The following VCPKMT variants were observed in gnomAD, a reference collection of about 807,000 sequenced individuals.
The protein encoded by VCPKMT is valosin containing protein lysine methyltransferase, also known as protein N-lysine methyltransferase METTL21D.
A neutral mutation model predicts 28.6 loss-of-function variants in VCPKMT; 32 were observed. That is an observed-to-expected ratio of 1.12 (90% CI 0.84 to 1.50). The LOEUF is 1.50. Ranked by LOEUF, VCPKMT falls within the 40% of genes most tolerant of loss-of-function variation. The pLI is 0.00. For missense variants in VCPKMT, 366 were observed against 285.0 expected (o/e 1.28, Z -2.05); for synonymous variants, 138 against 111.4 (o/e 1.24, Z -1.50).
chr14:50,115,736 T>C (rs1883115484), intron 3 of VCPKMT, 103 bp downstream of exon 3: 2 of 1,359,756 alleles, frequency 1.5e-6, no homozygotes, highest in Non-Finnish European at 2.0e-6. Context: ...ATAAGGCAAA[T>C]CCCGGATTCA....
At position 50,108,781 on chromosome 14, in the gene VCPKMT, TCATAA is replaced by T. The variant is rs1222394005; in HGVS notation, c.*913_*917del. On this transcript the variant is annotated 3_prime_UTR_variant, in exon 6 of 6. Transcript: ENST00000395860. The stretch of plus-strand genomic sequence containing the variant: ...GATTATTGTATATGAGCGAATGGCT[TCATAA>T]CATAAAACAGAGAGACACAGAACAG... 4 of 985,554 alleles carry T rather than the reference TCATAA, an allele frequency of 4.1e-6. No individual in the cohort carries two copies. Among genetic ancestry groups the T allele is most frequent in the Middle Eastern group, 1.0e-3 (2 of 1,936 alleles). The allele number at this position is 985,554 out of a possible 1,614,324, so 61.1% of individuals were successfully genotyped here.
chr14:50,105,926 T>C (rs189141189), downstream of VCPKMT, among the ~76,000 whole-genome samples: 41 of 152,306 alleles, frequency 2.7e-4, 1 homozygote, highest in Admixed American at 2.4e-3. Flanking sequence ...CAAAGTTCAG[T>C]CCTGTTTATT....
intron 5 of VCPKMT, chr14:50,111,627 C>A (rs1203671227): frequency 2.0e-6 from 2 of 985,168 alleles, no homozygotes; most frequent in African/African-American, 3.5e-5. Context: ...CCTGTAATCC[C>A]AACAATTTGG....
At position 50,112,703 on chromosome 14, in the gene VCPKMT, A is replaced by C. The variant is rs895810913; in HGVS notation, c.587T>G (p.Phe196Cys). 3.8e-6 allele frequency: 6 copies of C among 1,570,108 alleles called. No homozygotes were observed. The Admixed American group carries it at 5.5e-5, about 14-fold the overall frequency. ...KKYFELLQLD[F>C]DFEKIPLEKH... The stretch of plus-strand genomic sequence containing the variant: ...TTCCAAAGGAATTTTTTCAAAGTCA[A>C]AATCTAGCTGAAGGAGCTATAAATT... The change falls in exon 5 of 6, where the codon TTT becomes TGT. Residue 196 changes from phenylalanine (F) to cysteine (C), a missense_variant. Transcript: ENST00000395860.
chr14:50,112,363 C>T (rs538391195), intron 5 of VCPKMT, among the ~76,000 whole-genome samples: 23 of 118,580 alleles, frequency 1.9e-4, no homozygotes, highest in African/African-American at 5.6e-4. Context: ...CTAGGCAACA[C>T]GGTGAAACGT....
In VCPKMT at chr14:50,109,268, G is replaced by A; in HGVS notation, c.*431C>T. On this transcript the variant is annotated 3_prime_UTR_variant, in exon 6 of 6. Transcript: ENST00000395860. ...ACAAAATGAAAACCTTTTAAACTCTGAAGACAAACTAAAATTTACTAGTTT... is the reference window on the plus strand; with the variant it reads ...ACAAAATGAAAACCTTTTAAACTCTAAAGACAAACTAAAATTTACTAGTTT... 1 of 973,328 alleles carries A rather than the reference G, an allele frequency of 1.0e-6. No individual in the cohort carries two copies. The highest frequency in any genetic ancestry group is 1.2e-6 in the Non-Finnish European group (1 of 818,174). 60.3% of individuals were successfully genotyped at this position (973,328 alleles called of 1,614,324 possible).
Position 50,116,536 on chromosome 14 carries a change from T to C in VCPKMT, c.17A>G (p.Glu6Gly), listed in dbSNP as rs1204163901. Residue 6 changes from glutamate (E) to glycine (G), a missense_variant, in exon 1 of 6, where the codon GAG becomes GGG. Glu to Gly is a moderately conservative substitution (Grantham distance 98). Transcript: ENST00000395860. The part of the protein sequence containing the change: MADTL[E>G]SSLEDPLRSF... The stretch of plus-strand genomic sequence containing the variant: ...CCGCAGTGGGTCCTCCAGCGAGGAC[T>C]CCAGCGTATCCGCCATTGCGCCCGG... 21 of 1,610,296 alleles carry C rather than the reference T, an allele frequency of 1.3e-5. 1 individual carries two copies. In the South Asian group the frequency reaches 1.6e-4, roughly 13 times the overall value.
At chr14:50,104,772 T>C (rs940197277), downstream of VCPKMT, among the ~76,000 whole-genome samples, 3 of 152,158 alleles carry the variant, frequency 2.0e-5, no homozygotes, top group African/African-American at 7.2e-5. Flanking sequence ...ATCATGATTA[T>C]GTGAAAGGTA....
In VCPKMT at chr14:50,109,109, G is replaced by C; in HGVS notation, c.*590C>G. On this transcript the variant is annotated 3_prime_UTR_variant, in exon 6 of 6. Transcript: ENST00000395860. ...CATAGATATGTATGGTGGAGGAAAA[G>C]AAAACTTTGGCTAATATAAGTATAC... is the stretch of plus-strand genomic sequence containing the variant. The C allele has an allele frequency of 3.1e-6, 3 of 968,196 alleles. No homozygotes were observed. Among genetic ancestry groups the C allele is most frequent in the Non-Finnish European group, 3.7e-6 (3 of 814,184 alleles). 60.0% of individuals were successfully genotyped at this position (968,196 alleles called of 1,614,324 possible).
rs1341576896 is a variant in VCPKMT, at chr14:50,116,547, C to T, written c.6G>A (p.Ala2=). 2.5e-6 allele frequency: 4 copies of T among 1,603,820 alleles called. No homozygotes were observed. The South Asian group carries it at 4.4e-5, about 18-fold the overall frequency. The change falls in exon 1 of 6, where the codon GCG becomes GCA. Residue 2 remains alanine, a synonymous_variant. Transcript: ENST00000395860. M[A]DTLESSLEDP... ...CCTCCAGCGAGGACTCCAGCGTATC[C>T]GCCATTGCGCCCGGCAACAGAAAGC...
intron 3 of VCPKMT, among the ~76,000 whole-genome samples, chr14:50,114,817 T>C (rs1217650610): frequency 1.3e-5 from 2 of 152,170 alleles, no homozygotes; most frequent in African/African-American, 4.8e-5. Flanking sequence ...TCCACTGCAC[T>C]ACAACATGTG....
chr14:50,109,790 T>C, intron 5 of VCPKMT, 77 bp from the exon 6 acceptor site: 1 of 1,481,256 alleles, frequency 6.8e-7, no homozygotes, highest in Admixed American at 2.2e-5. Flanking sequence ...ATGCCTAATA[T>C]GCCTCATAAT....
chr14:50,115,268 T>C, intron 3 of VCPKMT, among the ~76,000 whole-genome samples: 2 of 150,064 alleles, frequency 1.3e-5, no homozygotes. Flanking sequence ...TTCTCCTGCC[T>C]CAGACTCCCA....
intron 3 of VCPKMT, among the ~76,000 whole-genome samples, chr14:50,115,145 GTTTTTTTTTT>G (rs745531021): frequency 3.3e-5 from 3 of 90,374 alleles, no homozygotes; most frequent in African/African-American, 1.4e-4. Flanking sequence ...ACAAACTGAT[GTTTTTTTTTT>G]TTTTTTTTTT....
downstream of VCPKMT, among the ~76,000 whole-genome samples, chr14:50,103,895 G>A (rs1167876229): frequency 6.6e-6 from 1 of 152,126 alleles, no homozygotes; most frequent in Non-Finnish European, 1.5e-5. Flanking sequence ...GTGCCCACCT[G>A]TAATTCCACC....
intron 3 of VCPKMT, among the ~76,000 whole-genome samples, chr14:50,114,682 C>T (rs1566808832): frequency 6.6e-6 from 1 of 152,116 alleles, no homozygotes; most frequent in Admixed American, 6.5e-5. Context: ...CCCCGCAACA[C>T]CTTACAAAAA....
Position 50,112,799 on chromosome 14 carries a change from C to CT in VCPKMT, c.571-81dup, listed in dbSNP as rs1162094479. The CT allele has an allele frequency of 6.3e-4, 636 of 1,015,964 alleles. 4 individuals are homozygous for CT. Among genetic ancestry groups the CT allele is most frequent in the South Asian group, 2.0e-3 (127 of 62,572 alleles). The allele number at this position is 1,015,964 out of a possible 1,614,324, so 62.9% of individuals were successfully genotyped here. ...GTGACAGAAGTCAGAATGCTGGTTA[C>CT]TTTTTTTTTGAGAGTCTCACTCTGT... On this transcript the variant is annotated intron_variant, in intron 4 of 5. Transcript: ENST00000395860.
Position 50,109,513 on chromosome 14 carries a change from C to T in VCPKMT, c.*186G>A. On this transcript the variant is annotated 3_prime_UTR_variant, in exon 6 of 6. Transcript: ENST00000395860. ...GGATTCAGGGCCATTGGCAGGCAGG[C>T]AGGCAAGCAGGAATTTTTCGTATTG... The T allele has an allele frequency of 2.3e-6, 3 of 1,309,650 alleles. No individual in the cohort carries two copies. Among genetic ancestry groups the T allele is most frequent in the Non-Finnish European group, 1.9e-6 (2 of 1,032,348 alleles). The allele number at this position is 1,309,650 out of a possible 1,614,324, so 81.1% of individuals were successfully genotyped here. A position where few individuals can be genotyped will look rare whatever the true frequency, so the allele number is the denominator to read the frequency against.
chr14:50,103,514 G>C, the VCPKMT span, among the ~76,000 whole-genome samples: 1 of 152,272 alleles, frequency 6.6e-6, no homozygotes, highest in East Asian at 1.9e-4. Flanking sequence ...AGGAGGAATT[G>C]AGTAAGGGTC....
Sources: allele counts gnomAD v4.1 joint callset (sites outside exome capture counted in the v4.1 genomes callset), GRCh38; gene constraint gnomAD v4.1.1; transcripts MANE v1.5; gene names NCBI Gene and HGNC (gene_info 2026-07-23, HGNC 2026-07-21).